Variants in GABRD observed in about 807,000 individuals in gnomAD.
The protein encoded by GABRD is gamma-aminobutyric acid receptor subunit delta.
GABRD carries 25 observed loss-of-function variants against 47.3 expected under a neutral mutation model. That is an observed-to-expected ratio of 0.53 (90% confidence interval 0.39 to 0.74). GABRD has a LOEUF of 0.74. Among genes scored for constraint, GABRD ranks in the 30% least tolerant of loss-of-function variants. The pLI, the probability that GABRD is intolerant of heterozygous loss-of-function variation, is 0.00. For missense variants in GABRD, 497 were observed against 643.4 expected (o/e 0.77, Z 2.46); for synonymous variants, 314 against 278.8 (o/e 1.13, Z -1.26).
In GABRD at chr1:2,030,356, G is replaced by A; in HGVS notation, c.*74G>A. On this transcript the variant is annotated 3_prime_UTR_variant, in exon 9 of 9. Transcript: ENST00000378585. Reference sequence around the variant, plus strand: ...GCCCAGAAACTTCCTGGGAGAAAGAGCCCTCGGGCTGCCTTCCCCTCTGCG... The same window carrying A: ...GCCCAGAAACTTCCTGGGAGAAAGAACCCTCGGGCTGCCTTCCCCTCTGCG... 7.4e-7 allele frequency: 1 copy of A among 1,358,502 alleles called. No homozygotes were observed. Among genetic ancestry groups the A allele is most frequent in the Non-Finnish European group, 9.8e-7 (1 of 1,016,558 alleles). 84.2% of individuals were successfully genotyped at this position (1,358,502 alleles called of 1,614,324 possible).
intron 3 of GABRD, 53 bp downstream of exon 3, chr1:2,025,454 C>G: frequency 6.2e-7 from 1 of 1,611,082 alleles, no homozygotes; most frequent in Admixed American, 1.7e-5. Context: ...CAGCCTCTGC[C>G]CTGGGCTGCA....
chr1:2,030,330 T>C lies in GABRD; in HGVS notation c.*48T>C. ...GCTTGTCCTGGCGCCCGGCGGCAGCTGCCCAGAAACTTCCTGGGAGAAAGA... is the reference window on the plus strand; with the variant it reads ...GCTTGTCCTGGCGCCCGGCGGCAGCCGCCCAGAAACTTCCTGGGAGAAAGA... On this transcript the variant is annotated 3_prime_UTR_variant, in exon 9 of 9. Transcript: ENST00000378585. 1 of 1,462,476 alleles carries C rather than the reference T, an allele frequency of 6.8e-7. No homozygotes were observed. Among genetic ancestry groups the C allele is most frequent in the South Asian group, 1.4e-5 (1 of 69,412 alleles). 90.6% of individuals were successfully genotyped at this position (1,462,476 alleles called of 1,614,324 possible).
intron 1 of GABRD, among the ~76,000 whole-genome samples, chr1:2,021,733 C>T (rs994170814): frequency 3.3e-5 from 5 of 152,206 alleles, no homozygotes; most frequent in Non-Finnish European, 7.4e-5. Flanking sequence ...TGCCAGCTCG[C>T]GGTGCGCTGG....
At chr1:2,029,499 TG>T in intron 7 of GABRD, 51 bp from the exon 8 acceptor site, 1 of 1,600,238 alleles carries the variant, frequency 6.2e-7, no homozygotes, top group East Asian at 2.2e-5. Context: ...AAGGCTGGGA[TG>T]GGGCGGCGTG....
intron 1 of GABRD, chr1:2,024,018 T>C (rs1224567310): frequency 6.6e-6 from 1 of 152,356 alleles, no homozygotes; most frequent in African/African-American, 2.4e-5. Context: ...AATCTCTGCC[T>C]CCTCTGTCCC....
chr1:2,025,146 A>G (rs942638113), intron 2 of GABRD, 92 bp downstream of exon 2: 3 of 1,305,296 alleles, frequency 2.3e-6, no homozygotes, highest in African/African-American at 1.5e-5. Context: ...GCTGGCCTCT[A>G]GGCAAGGAAG....
At position 2,025,316 on chromosome 1, in the gene GABRD, T is replaced by G; in HGVS notation, c.182-18T>G. The G allele has an allele frequency of 6.2e-7, 1 of 1,613,118 alleles. No homozygotes were observed. The highest frequency in any genetic ancestry group is 8.5e-7 in the Non-Finnish European group (1 of 1,179,944). Reference sequence around the variant, plus strand: ...TGGGCCGGCCTCAGTCCTTCTTAGTTCTGCTCTTTCCTTGCAGGCCCCCCC... The same window carrying G: ...TGGGCCGGCCTCAGTCCTTCTTAGTGCTGCTCTTTCCTTGCAGGCCCCCCC... On this transcript the variant is annotated intron_variant, in intron 2 of 8. Coordinates refer to ENST00000378585, the MANE Select transcript of GABRD (RefSeq NM_000815.5).
intron 1 of GABRD, among the ~76,000 whole-genome samples, chr1:2,023,085 TGCAGGGAGAG>T (rs1658823968): frequency 2.0e-5 from 3 of 152,036 alleles, no homozygotes; most frequent in African/African-American, 7.2e-5. Context: ...CAAGGCTGGA[TGCAGGGAGAG>T]GCAGGGAGAG....
At position 2,030,292 on chromosome 1, in the gene GABRD, TC is replaced by T; in HGVS notation, c.*11del. On this transcript the variant is annotated 3_prime_UTR_variant, in exon 9 of 9. Coordinates refer to ENST00000378585, the MANE Select transcript of GABRD (RefSeq NM_000815.5). ...GGCATACGCCATGTGAGCACAGGAC[TC>T]AGGCCACCCTCGCTTGTCCTGGCGC... 1 of 1,504,496 alleles carries T rather than the reference TC, an allele frequency of 6.6e-7. No homozygotes were observed. Among genetic ancestry groups the T allele is most frequent in the Non-Finnish European group, 8.9e-7 (1 of 1,125,958 alleles). 93.2% of individuals were successfully genotyped at this position (1,504,496 alleles called of 1,614,324 possible).
At chr1:2,025,765 G>C (rs368857204) in intron 4 of GABRD, 27 bp downstream of exon 4, 5 of 1,594,734 alleles carry the variant, frequency 3.1e-6, no homozygotes, top group Non-Finnish European at 4.3e-6. Context: ...CCCGGACTCC[G>C]GGGGAGAGCC....
At chr1:2,027,838 G>A (rs891202316) in intron 5 of GABRD, 179 bp downstream of exon 5, 13 of 669,320 alleles carry the variant, frequency 1.9e-5, no homozygotes, top group Non-Finnish European at 2.6e-5. Context: ...GAGCAGTCTG[G>A]CTTGTGGGTC....
intron 5 of GABRD, 101 bp downstream of exon 5, chr1:2,027,760 A>C: frequency 9.4e-7 from 1 of 1,066,444 alleles, no homozygotes; most frequent in Non-Finnish European, 1.4e-6. Flanking sequence ...CTCAGGATGC[A>C]GGAAAGCACC....
At chr1:2,025,769 G>A (rs535570779) in intron 4 of GABRD, 31 bp downstream of exon 4, 3 of 1,590,848 alleles carry the variant, frequency 1.9e-6, no homozygotes, top group Admixed American at 1.7e-5. Context: ...GACTCCGGGG[G>A]AGAGCCTGCC....
chr1:2,027,502 C>T, intron 4 of GABRD, 75 bp from the exon 5 acceptor site: 1 of 1,233,614 alleles, frequency 8.1e-7, no homozygotes, highest in Non-Finnish European at 1.2e-6. Context: ...GGGGGCATCT[C>T]TGCAGGGGAA....
intron 2 of GABRD, 61 bp downstream of exon 2, chr1:2,025,115 G>A: frequency 1.4e-6 from 2 of 1,453,474 alleles, no homozygotes; most frequent in African/African-American, 1.4e-5. Context: ...GGCCGTGGCT[G>A]TGTGGCCCAC....
Position 2,029,238 on chromosome 1 carries a change from G to A in GABRD, c.819G>A (p.Gln273=). ...AMSWVSFWIS[Q]AAVPARVSLG... ...CCTGGGTCTCCTTCTGGATCAGCCA[G>A]GCGGCGGTGCCCGCCAGGGTGTCTC... is the stretch of plus-strand genomic sequence containing the variant. Residue 273 remains glutamine (Q), a synonymous_variant, in exon 7 of 9, where the codon CAG becomes CAA. Coordinates refer to ENST00000378585, the MANE Select transcript of GABRD (RefSeq NM_000815.5). The A allele has an allele frequency of 6.4e-7, 1 of 1,568,586 alleles. No homozygotes were observed. Among genetic ancestry groups the A allele is most frequent in the African/African-American group, 1.4e-5 (1 of 73,844 alleles).
At chr1:2,025,142 C>A in intron 2 of GABRD, 88 bp downstream of exon 2, 1 of 1,334,008 alleles carries the variant, frequency 7.5e-7, no homozygotes. Flanking sequence ...GTAGGCTGGC[C>A]TCTAGGCAAG....
intron 1 of GABRD, chr1:2,022,204 C>T (rs1184346201): frequency 6.6e-6 from 1 of 152,566 alleles, no homozygotes; most frequent in Non-Finnish European, 1.5e-5. Flanking sequence ...GACAGCCCCA[C>T]CCTGTGCCTA....
chr1:2,028,836 A>G lies in GABRD; in HGVS notation c.692-275A>G. The G allele has an allele frequency of 1.9e-6, 1 of 527,020 alleles. No homozygotes were observed. The highest frequency in any genetic ancestry group is 3.4e-6 in the Non-Finnish European group (1 of 298,244). 32.6% of individuals were successfully genotyped at this position (527,020 alleles called of 1,614,324 possible). A position where few individuals can be genotyped will look rare whatever the true frequency, so the allele number is the denominator to read the frequency against. On this transcript the variant is annotated intron_variant, in intron 6 of 8. Transcript: ENST00000378585. The surrounding 1 kb of genome is among the most constrained non-coding windows in gnomAD (Gnocchi z 6.4). ...TCCCCATTGGTTGCGAGGGTCCCTC[A>G]GGGCCAGTCCAGCAAACATGAGGCC...
Sources: allele counts gnomAD v4.1 joint callset (sites outside exome capture counted in the v4.1 genomes callset), GRCh38; gene constraint gnomAD v4.1.1; non-coding constraint Gnocchi (gnomAD v3.1); transcripts MANE v1.5; gene names NCBI Gene and HGNC (gene_info 2026-07-23, HGNC 2026-07-21).